ZNF143: variants seen among roughly 807,000 people sequenced by gnomAD.
ZNF143 encodes zinc finger protein 143.
In ZNF143, 49 loss-of-function variants were observed where a neutral mutation model predicts 74.1. The observed-to-expected ratio is 0.66, with a 90% CI of 0.53 to 0.84. ZNF143 has a LOEUF of 0.84. ZNF143 is among the 40% of genes least tolerant of loss of function. ZNF143 has a pLI of 0.00. For synonymous variants in ZNF143, 304 were observed against 282.8 expected, an observed-to-expected ratio of 1.07 and a Z score of -0.75; for missense variants, 637 against 793.4, an observed-to-expected ratio of 0.80 and a Z score of 2.37.
intron 10 of ZNF143, 115 bp from the exon 11 acceptor site, chr11:9,500,976 T>G (rs1414916752): frequency 7.8e-7 from 1 of 1,280,510 alleles, no homozygotes; most frequent in East Asian, 2.5e-5. Flanking sequence ...AAAGGGAAGC[T>G]CAGCACAAGA....
Position 9,478,541 on chromosome 11 carries a change from A to G in ZNF143, c.525A>G (p.Thr175=), listed in dbSNP as rs367831963. Residue 175 remains threonine, a synonymous_variant, in exon 6 of 16, where the codon ACA becomes ACG. Transcript: ENST00000396602. ...CAGGTCTGCACACTGGGGATGCTAC[A>G]ATTGACCCTGACACCATCAGTGCTT... The part of the protein sequence containing the change: ...TVAGLHTGDA[T]IDPDTISALE... 2.2e-4 allele frequency: 350 copies of G among 1,614,084 alleles called. 1 individual carries two copies. The highest frequency in any genetic ancestry group is 2.8e-4 in the Non-Finnish European group (326 of 1,180,052).
chr11:9,502,479 G>A (rs1479594323), intron 11 of ZNF143, among the ~76,000 whole-genome samples: 2 of 150,450 alleles, frequency 1.3e-5, no homozygotes, highest in East Asian at 2.0e-4. Context: ...GCATGGTGGC[G>A]GGTGCCTATA....
chr11:9,472,552 G>A (rs1008839945), intron 2 of ZNF143, 125 bp from the exon 3 acceptor site: 64 of 827,066 alleles, frequency 7.7e-5, no homozygotes, highest in Non-Finnish European at 1.1e-4. Flanking sequence ...GCACCCGGCC[G>A]CTAAATCTCA....
chr11:9,516,589 A>T (rs1848731507), intron 14 of ZNF143, among the ~76,000 whole-genome samples: 1 of 152,166 alleles, frequency 6.6e-6, no homozygotes, highest in Non-Finnish European at 1.5e-5. Context: ...GAGATAATGT[A>T]TATAAGGTAC....
chr11:9,523,963 G>T (rs908031424), intron 14 of ZNF143, among the ~76,000 whole-genome samples: 2 of 150,110 alleles, frequency 1.3e-5, no homozygotes, highest in African/African-American at 2.5e-5. Flanking sequence ...CAGAAGAATC[G>T]CTTGAACCTG....
chr11:9,517,689 G>C (rs2123768), intron 14 of ZNF143, among the ~76,000 whole-genome samples: 5,583 of 152,102 alleles, frequency 0.037, 312 homozygotes, highest in African/African-American at 0.12. Flanking sequence ...AACTGTTCTT[G>C]TACTGTGCTA....
intron 11 of ZNF143, among the ~76,000 whole-genome samples, chr11:9,505,536 A>G (rs73406286): frequency 0.018 from 2,782 of 151,866 alleles, 77 homozygotes; most frequent in African/African-American, 0.062. Flanking sequence ...CTGATATGCA[A>G]TTTTTGTGTG....
rs1156895375 is a variant in ZNF143 at position 9,482,301 on chromosome 11, C to T, written c.645+2755C>T. On this transcript the variant is annotated intron_variant, in intron 7 of 15. Coordinates refer to ENST00000396602, the MANE Select transcript of ZNF143 (RefSeq NM_003442.6). ...CTTTTTTTTTTTTAAGACGGTGTCT[C>T]GCTCTGTCGCCCAGGCTGGAGTGCA... Among the ~76,000 whole-genome samples the T allele has an allele frequency of 2.1e-5, 3 of 140,540 alleles. No individual in the cohort carries two copies. In the Admixed American group the frequency reaches 2.2e-4, roughly 10 times the overall value. The allele number at this position is 140,540 out of a possible 152,430, so 92.2% of individuals were successfully genotyped here.
intron 7 of ZNF143, among the ~76,000 whole-genome samples, chr11:9,487,757 T>G (rs1847616501): frequency 6.6e-6 from 1 of 152,248 alleles, no homozygotes. Context: ...TTCACTGGTG[T>G]TAGCTTCAAA....
rs530270427 is a variant in ZNF143 at position 9,504,020 on chromosome 11, C to T, written c.1147+2750C>T. 5.1e-3 allele frequency among the ~76,000 whole-genome samples: 671 copies of T among 132,364 alleles called. 4 individuals are homozygous for T. Among genetic ancestry groups the T allele is most frequent in the Middle Eastern group, 0.019 (4 of 214 alleles). 86.8% of individuals were successfully genotyped at this position (132,364 alleles called of 152,430 possible). A position where few individuals can be genotyped will look rare whatever the true frequency, so the allele number is the denominator to read the frequency against. ...TGTCACTCAGGCTGGAGTGCAGTGG[C>T]GCAATCTTGGCCTGCTGCACCCTCC... On this transcript the variant is annotated intron_variant, in intron 11 of 15. Coordinates refer to ENST00000396602, the MANE Select transcript of ZNF143 (RefSeq NM_003442.6).
intron 11 of ZNF143, among the ~76,000 whole-genome samples, chr11:9,506,031 A>G (rs2134135061): frequency 6.6e-6 from 1 of 152,152 alleles, no homozygotes; most frequent in Non-Finnish European, 1.5e-5. Context: ...ATTTAAATTA[A>G]TGGAATATAG....
intron 8 of ZNF143, among the ~76,000 whole-genome samples, 198 bp downstream of exon 8, chr11:9,494,963 T>C (rs1847909959): frequency 6.6e-6 from 1 of 152,226 alleles, no homozygotes; most frequent in East Asian, 1.9e-4. Flanking sequence ...GCTTGGACTG[T>C]GTTTTTTTCA....
intron 7 of ZNF143, 123 bp downstream of exon 7, chr11:9,479,669 A>G (rs1847161901): frequency 1.4e-6 from 1 of 704,612 alleles, no homozygotes; most frequent in East Asian, 3.0e-5. Flanking sequence ...CAGAAAAACA[A>G]TGTATGTATT....
At chr11:9,465,187 ATTTAT>A (rs993072993) in intron 1 of ZNF143, among the ~76,000 whole-genome samples, 14 of 151,978 alleles carry the variant, frequency 9.2e-5, no homozygotes, top group African/African-American at 3.4e-4. Context: ...TATTTTTTTT[ATTTAT>A]TTTATTTGTT....
chr11:9,518,970 C>T (rs1027741766), intron 14 of ZNF143, among the ~76,000 whole-genome samples: 3 of 152,064 alleles, frequency 2.0e-5, no homozygotes, highest in Admixed American at 6.6e-5. Context: ...TGAAGTTAAG[C>T]CTGTTTTTCA....
At chr11:9,469,086 A>G (rs113186005) in intron 1 of ZNF143, among the ~76,000 whole-genome samples, 1,574 of 150,334 alleles carry the variant, frequency 0.01, 31 homozygotes, top group African/African-American at 0.036. Context: ...GTGATCTGAG[A>G]TCACGCCATT....
chr11:9,502,156 AAACT>A (rs1848186288), intron 11 of ZNF143, among the ~76,000 whole-genome samples: 1 of 148,606 alleles, frequency 6.7e-6, no homozygotes, highest in African/African-American at 2.5e-5. Flanking sequence ...GGCTAGTCTG[AAACT>A]CCCAACCTCA....
At chr11:9,499,849 A>T (rs140964131) in intron 10 of ZNF143, among the ~76,000 whole-genome samples, 17 of 152,366 alleles carry the variant, frequency 1.1e-4, no homozygotes, top group South Asian at 4.1e-4. Context: ...TGAGAATCAA[A>T]AGCAAAGGCT....
intron 14 of ZNF143, among the ~76,000 whole-genome samples, chr11:9,524,784 G>T (rs1849065837): frequency 6.6e-6 from 1 of 152,084 alleles, no homozygotes; most frequent in Non-Finnish European, 1.5e-5. Context: ...AGTACCACTG[G>T]TCCTTTCAGT....
Sources: gnomAD v4.1 joint callset for allele counts (sites outside exome capture counted in the v4.1 genomes callset) on GRCh38, gnomAD v4.1.1 for gene constraint, MANE v1.5 for transcripts, NCBI Gene and HGNC (gene_info 2026-07-23, HGNC 2026-07-21) for gene names.